Variants in LINC00305 observed in about 807,000 individuals in gnomAD.
The protein encoded by LINC00305 is long intergenic non-protein coding RNA 305.
chr18:64,089,165 C>T lies in LINC00305; in HGVS notation n.540+8669G>A, dbSNP rs144516184. 2.5e-4 allele frequency among the ~76,000 whole-genome samples: 38 copies of T among 152,188 alleles called. No homozygotes were observed. In the East Asian group the frequency reaches 2.7e-3, roughly 11 times the overall value. On this transcript the variant is annotated intron_variant and non_coding_transcript_variant, in intron 3 of 3. Coordinates refer to ENST00000666468, the Ensembl canonical transcript of LINC00305. Reference sequence around the variant, plus strand: ...ATCCCCAGAGGTAGAGAGAGGGACCCGGTGGGAGGTGATTGGATCATGGGG... The same window carrying T: ...ATCCCCAGAGGTAGAGAGAGGGACCTGGTGGGAGGTGATTGGATCATGGGG...
At chr18:64,098,541 G>T (rs1358462133) in intron 2 of LINC00305, 1 of 434,596 alleles carries the variant, frequency 2.3e-6, no homozygotes, top group Non-Finnish European at 4.5e-6. Context: ...TCTTAGGTTT[G>T]TAACTTTAAA....
intron 1 of LINC00305, among the ~76,000 whole-genome samples, chr18:64,102,264 G>T (rs960827137): frequency 1.3e-5 from 2 of 152,086 alleles, no homozygotes; most frequent in African/African-American, 4.8e-5. Context: ...TGCTTCCCAT[G>T]ATCTAGTGAG....
intron 1 of LINC00305, chr18:64,147,099 G>A (rs984193270): frequency 6.6e-6 from 1 of 152,088 alleles, no homozygotes; most frequent in South Asian, 2.1e-4. Context: ...TTTACTTGAG[G>A]TCCAGTAATT....
chr18:64,136,081 T>C (rs1008310596), intron 1 of LINC00305, among the ~76,000 whole-genome samples: 5 of 152,200 alleles, frequency 3.3e-5, no homozygotes, highest in Non-Finnish European at 2.9e-5. Context: ...CAGGGAAGAA[T>C]GTGGCAGTGG....
chr18:64,096,390 A>G (rs1459035702), intron 3 of LINC00305, among the ~76,000 whole-genome samples: 6 of 151,948 alleles, frequency 3.9e-5, no homozygotes, highest in Admixed American at 3.3e-4. Context: ...ATTTTGAAAA[A>G]CAGGGATAAT....
At chr18:64,126,524 A>G (rs72949520) in intron 1 of LINC00305, among the ~76,000 whole-genome samples, 10,709 of 152,144 alleles carry the variant, frequency 0.07, 565 homozygotes, top group Non-Finnish European at 0.11. Context: ...CTCAGCCTCT[A>G]TGAACAAGGA....
chr18:64,114,076 T>C (rs1345468618), intron 1 of LINC00305, among the ~76,000 whole-genome samples: 1 of 152,156 alleles, frequency 6.6e-6, no homozygotes, highest in African/African-American at 2.4e-5. Flanking sequence ...GAGACGATCC[T>C]GGCTAACTCG....
chr18:64,112,752 C>A (rs2051320731), intron 1 of LINC00305, among the ~76,000 whole-genome samples: 1 of 152,134 alleles, frequency 6.6e-6, no homozygotes, highest in Non-Finnish European at 1.5e-5. Flanking sequence ...TCTCTCTTTC[C>A]AGAAAGAATC....
At chr18:64,093,554 G>A (rs926227439) in intron 3 of LINC00305, among the ~76,000 whole-genome samples, 1 of 152,106 alleles carries the variant, frequency 6.6e-6, no homozygotes, top group Non-Finnish European at 1.5e-5. Context: ...GGTTGGTCTC[G>A]AATTCCTGAC....
chr18:64,089,081 A>T (rs1210050280), intron 3 of LINC00305, among the ~76,000 whole-genome samples: 4 of 152,116 alleles, frequency 2.6e-5, no homozygotes, highest in Non-Finnish European at 5.9e-5. Flanking sequence ...ATAGAGACTG[A>T]TATGGTTTGA....
At chr18:64,088,379 C>G (rs1322155402) in intron 3 of LINC00305, among the ~76,000 whole-genome samples, 3 of 152,220 alleles carry the variant, frequency 2.0e-5, no homozygotes, top group Non-Finnish European at 4.4e-5. Flanking sequence ...GGCCCTGAAA[C>G]TGATCAGGAA....
intron 1 of LINC00305, among the ~76,000 whole-genome samples, chr18:64,110,528 G>A (rs2051310721): frequency 6.6e-6 from 1 of 152,154 alleles, no homozygotes; most frequent in Non-Finnish European, 1.5e-5. Context: ...AAAGACTTTG[G>A]GGGTATAAAT....
At chr18:64,128,236 T>C (rs1655061175) in intron 1 of LINC00305, among the ~76,000 whole-genome samples, 2 of 152,108 alleles carry the variant, frequency 1.3e-5, no homozygotes, top group Non-Finnish European at 2.9e-5. Flanking sequence ...ATTTGCAAGA[T>C]TCCTGAGCTA....
rs371607147 is a variant in LINC00305 at position 64,130,958 on chromosome 18, G to A, written n.314+17817C>T. Among the ~76,000 whole-genome samples the A allele has an allele frequency of 2.5e-4, 38 of 152,244 alleles. 1 individual carries two copies. The South Asian group carries it at 5.0e-3, about 20-fold the overall frequency. On this transcript the variant is annotated intron_variant and non_coding_transcript_variant, in intron 1 of 3. Transcript: ENST00000666468. ...ATGGGGCTTTAGTCTGTAGGTAAAG[G>A]ACAGCTAACAGAGGTGGTTGGCCAT...
chr18:64,101,785 G>A (rs1183731030), intron 1 of LINC00305, among the ~76,000 whole-genome samples: 3 of 152,106 alleles, frequency 2.0e-5, no homozygotes, highest in Non-Finnish European at 4.4e-5. Flanking sequence ...TCACAGAAAA[G>A]CAAAACCAAA....
intron 3 of LINC00305, among the ~76,000 whole-genome samples, chr18:64,095,293 C>A (rs2051240997): frequency 6.6e-6 from 1 of 152,024 alleles, no homozygotes; most frequent in Non-Finnish European, 1.5e-5. Context: ...TAGAAAACAG[C>A]CAACAGGAGG....
intron 1 of LINC00305, among the ~76,000 whole-genome samples, chr18:64,136,722 A>G (rs1413590697): frequency 6.6e-6 from 1 of 152,178 alleles, no homozygotes; most frequent in African/African-American, 2.4e-5. Context: ...AAGAGACAAT[A>G]TGAAGAAGGA....
chr18:64,123,262 C>A (rs895912620), intron 1 of LINC00305, among the ~76,000 whole-genome samples: 1 of 152,060 alleles, frequency 6.6e-6, no homozygotes, highest in African/African-American at 2.4e-5. Context: ...TCTTCCTAAG[C>A]AACTTCCCTA....
intron 2 of LINC00305, chr18:64,098,142 A>G: frequency 2.8e-6 from 1 of 355,898 alleles, no homozygotes. Context: ...CTAGAAATAT[A>G]AAAGTTGAAA....
Sources: gnomAD v4.1 joint callset for allele counts (sites outside exome capture counted in the v4.1 genomes callset) on GRCh38, gnomAD v4.1.1 for gene constraint, MANE v1.5 for transcripts, NCBI Gene and HGNC (gene_info 2026-07-23, HGNC 2026-07-21) for gene names.